Variants in PCDHGA7 observed in about 807,000 individuals in gnomAD.
PCDHGA7 encodes protocadherin gamma subfamily A, 7, also known as protocadherin gamma-A7.
In PCDHGA7, 44 loss-of-function variants were observed where a neutral mutation model predicts 58.3. The observed-to-expected ratio is 0.75, with a 90% CI of 0.59 to 0.97. The LOEUF is 0.97. Among genes scored for constraint, PCDHGA7 ranks in the 50% least tolerant of loss-of-function variants. The probability of loss-of-function intolerance (pLI) is 0.00; values close to 1 mark genes in which losing one functional copy is unlikely to be tolerated. For synonymous variants in PCDHGA7, 516 were observed against 504.2 expected (o/e 1.02, Z -0.31); for missense variants, 1,266 against 1,188.7 (o/e 1.06, Z -0.96).
In PCDHGA7 at chr5:141,432,571, G is replaced by C; in HGVS notation, c.2424+47248G>C. On this transcript the variant is annotated intron_variant, in intron 1 of 3. Transcript: ENST00000518325. The surrounding 1 kb of genome is among the most constrained non-coding windows in gnomAD (Gnocchi z 6.0). ...GAGACTCCGGCCAGAACGCCTGGCT[G>C]TCCTACCGTCTGCTCAAGGCCAGCG... The C allele has an allele frequency of 6.2e-7, 1 of 1,613,954 alleles. No individual in the cohort carries two copies. The highest frequency in any genetic ancestry group is 8.5e-7 in the Non-Finnish European group (1 of 1,179,992).
chr5:141,429,573 T>G (rs1026656206), intron 1 of PCDHGA7, among the ~76,000 whole-genome samples: 3 of 152,206 alleles, frequency 2.0e-5, no homozygotes, highest in Non-Finnish European at 4.4e-5. Context: ...TCAGTTACAT[T>G]TACTTTTGAT....
At chr5:141,430,327 T>C (rs1250968800) in intron 1 of PCDHGA7, among the ~76,000 whole-genome samples, 7 of 152,042 alleles carry the variant, frequency 4.6e-5, no homozygotes, top group Non-Finnish European at 1.5e-5. Context: ...AAAATCATTG[T>C]TTATAGAAAC....
chr5:141,394,633 G>A (rs1026935408), intron 1 of PCDHGA7: 57 of 1,613,274 alleles, frequency 3.5e-5, no homozygotes, highest in Middle Eastern at 1.7e-4. Flanking sequence ...CTGTCCTACC[G>A]CCTGCTCAAG....
chr5:141,485,177 C>T lies in PCDHGA7; in HGVS notation c.2425-9630C>T. ...AGAGAATTAGCGGGCGGCAGCAATG[C>T]TCCGCAAGGTGAGAAGCTGGACAGA... On this transcript the variant is annotated intron_variant, in intron 1 of 3. Coordinates refer to ENST00000518325, the MANE Select transcript of PCDHGA7 (RefSeq NM_018920.4). This position sits in a 1 kb window ranked among gnomAD's most constrained non-coding sequence, Gnocchi z 5.7. 1 of 1,612,024 alleles carries T rather than the reference C, an allele frequency of 6.2e-7. No homozygotes were observed. Among genetic ancestry groups the T allele is most frequent in the South Asian group, 1.1e-5 (1 of 90,956 alleles).
intron 1 of PCDHGA7, chr5:141,426,793 A>G: frequency 2.2e-6 from 1 of 456,734 alleles, no homozygotes; most frequent in South Asian, 1.5e-5. Context: ...CAGAGTTACC[A>G]GCTCAGTTCT....
chr5:141,483,764 A>G (rs1170910094), intron 1 of PCDHGA7, among the ~76,000 whole-genome samples: 1 of 152,104 alleles, frequency 6.6e-6, no homozygotes, highest in East Asian at 1.9e-4. Context: ...AGGCTTGGAA[A>G]AATATTGGGG....
rs1193497090 is a variant in PCDHGA7 at position 141,485,890 on chromosome 5, C to T, written c.2425-8917C>T. On this transcript the variant is annotated intron_variant, in intron 1 of 3. Coordinates refer to ENST00000518325, the MANE Select transcript of PCDHGA7 (RefSeq NM_018920.4). This position sits in a 1 kb window ranked among gnomAD's most constrained non-coding sequence, Gnocchi z 5.7. ...CCGTGCTGGACGTAAACGACAACGC[C>T]CCAGCCTTCCAGCAATCCAGCTACA... The T allele has an allele frequency of 6.2e-6, 10 of 1,614,156 alleles. No homozygotes were observed. Among genetic ancestry groups the T allele is most frequent in the Non-Finnish European group, 6.8e-6 (8 of 1,180,022 alleles).
Position 141,486,971 on chromosome 5 carries a change from T to G in PCDHGA7, c.2425-7836T>G. ...AAAGGTGACTGCTGTGGACTTGGAT[T>G]CAGGTTACAATGCTTGGGTTTCCTA... On this transcript the variant is annotated intron_variant, in intron 1 of 3. Transcript: ENST00000518325. The surrounding 1 kb of genome is among the most constrained non-coding windows in gnomAD (Gnocchi z 5.0). The G allele has an allele frequency of 6.2e-7, 1 of 1,614,220 alleles. No homozygotes were observed. The highest frequency in any genetic ancestry group is 8.5e-7 in the Non-Finnish European group (1 of 1,180,042).
chr5:141,500,189 TTTA>T (rs780229863), intron 2 of PCDHGA7, among the ~76,000 whole-genome samples: 5,656 of 110,928 alleles, frequency 0.051, 122 homozygotes, highest in Middle Eastern at 0.14. Context: ...TTTATTTTTA[TTTA>T]TTTATTTATT....
intron 1 of PCDHGA7, among the ~76,000 whole-genome samples, chr5:141,438,705 G>A (rs555160868): frequency 2.0e-4 from 29 of 145,842 alleles, no homozygotes; most frequent in African/African-American, 7.1e-4. Flanking sequence ...CTGTCACCCA[G>A]GCTGGAGTGC....
At chr5:141,509,573 C>G (rs372901649) in intron 3 of PCDHGA7, among the ~76,000 whole-genome samples, 4 of 152,164 alleles carry the variant, frequency 2.6e-5, no homozygotes, top group Admixed American at 2.6e-4. Context: ...CTTCACAGTG[C>G]GTACAAATCA....
chr5:141,475,938 G>T (rs756781296), intron 1 of PCDHGA7: 22 of 682,776 alleles, frequency 3.2e-5, no homozygotes, highest in African/African-American at 7.2e-5. Flanking sequence ...GCCCCTGCCC[G>T]TCCCCTTTCT....
chr5:141,387,726 G>C, intron 1 of PCDHGA7: 7 of 1,198,740 alleles, frequency 5.8e-6, no homozygotes, highest in Non-Finnish European at 8.0e-6. Context: ...ACTCCCCAGC[G>C]CCAGCCTTTA....
chr5:141,504,949 G>A (rs1234166109), intron 2 of PCDHGA7, among the ~76,000 whole-genome samples: 5 of 152,098 alleles, frequency 3.3e-5, no homozygotes, highest in Non-Finnish European at 1.5e-5. Context: ...AATGCACTAT[G>A]TTCAATGCAT....
chr5:141,464,290 A>AC (rs1287070540), intron 1 of PCDHGA7, among the ~76,000 whole-genome samples: 1 of 149,916 alleles, frequency 6.7e-6, no homozygotes, highest in Non-Finnish European at 1.5e-5. Context: ...AAAAAAAAAA[A>AC]CTCCATTGTA....
intron 1 of PCDHGA7, among the ~76,000 whole-genome samples, chr5:141,465,276 C>A (rs558169180): frequency 6.6e-6 from 1 of 152,254 alleles, no homozygotes; most frequent in South Asian, 2.1e-4. Context: ...CCATTTAGTT[C>A]ACCCCTAAAG....
Position 141,490,909 on chromosome 5 carries a change from G to T in PCDHGA7, c.2425-3898G>T. 4 of 1,613,744 alleles carry T rather than the reference G, an allele frequency of 2.5e-6. No individual in the cohort carries two copies. Among genetic ancestry groups the T allele is most frequent in the Non-Finnish European group, 3.4e-6 (4 of 1,179,762 alleles). ...ATCTCTGCATGTGTTTGTCCTAGAC[G>T]AGAATGATAATGCCCCAGCTGTGCT... On this transcript the variant is annotated intron_variant, in intron 1 of 3. Transcript: ENST00000518325. The surrounding 1 kb of genome is among the most constrained non-coding windows in gnomAD (Gnocchi z 5.4).
At chr5:141,408,882 A>G (rs1561715935) in intron 1 of PCDHGA7, 1 of 1,613,404 alleles carries the variant, frequency 6.2e-7, no homozygotes, top group Admixed American at 1.7e-5. Context: ...GCCACCGCTC[A>G]CATAGAAATT....
At chr5:141,510,296 G>A (rs999749575) in intron 3 of PCDHGA7, among the ~76,000 whole-genome samples, 6 of 149,608 alleles carry the variant, frequency 4.0e-5, no homozygotes, top group African/African-American at 1.5e-4. Flanking sequence ...AAAAAATGCT[G>A]TTTTGAAATG....
Sources: gnomAD v4.1 joint callset for allele counts (sites outside exome capture counted in the v4.1 genomes callset) on GRCh38, gnomAD v4.1.1 for gene constraint, Gnocchi (gnomAD v3.1) non-coding constraint, MANE v1.5 for transcripts, NCBI Gene and HGNC (gene_info 2026-07-23, HGNC 2026-07-21) for gene names.